Variants in NCKAP1L observed in about 807,000 individuals in gnomAD.
NCKAP1L encodes the protein NCK associated protein 1 like, also known as nck-associated protein 1-like.
A neutral mutation model predicts 139.2 loss-of-function variants in NCKAP1L; 53 were observed. The observed-to-expected ratio is 0.38, with a 90% CI of 0.31 to 0.48. The LOEUF is 0.48. Among genes scored for constraint, NCKAP1L ranks in the 20% least tolerant of loss-of-function variants. NCKAP1L has a pLI of 0.98. For synonymous variants in NCKAP1L, 468 were observed against 499.7 expected (o/e 0.94, Z 0.85); for missense variants, 1,151 against 1,381.9 (o/e 0.83, Z 2.65).
intron 3 of NCKAP1L, among the ~76,000 whole-genome samples, chr12:54,506,794 A>ATATATAT (rs1468649208): frequency 4.4e-3 from 105 of 23,728 alleles, no homozygotes; most frequent in South Asian, 0.011. Flanking sequence ...TTAAAAAAAA[A>ATATATAT]AAATATATAT....
chr12:54,523,894 G>T lies in NCKAP1L; in HGVS notation c.2094G>T (p.Val698=). 1.2e-6 allele frequency: 2 copies of T among 1,614,180 alleles called. No individual in the cohort carries two copies. The highest frequency in any genetic ancestry group is 2.2e-5 in the South Asian group (2 of 91,074). ...TGAATCATGTATACAGTTTCTCCGT[G>T]TTTGAACATACTATCTTCCCTTCTG... is the stretch of plus-strand genomic sequence containing the variant. ...LTMNHVYSFS[V]FEHTIFPSEY... is the part of the protein sequence containing the mutation. The change falls in exon 20 of 31, where the codon GTG becomes GTT. Residue 698 remains valine (V), a synonymous_variant. Transcript: ENST00000293373.
At chr12:54,518,867 T>C (rs777450616) in intron 14 of NCKAP1L, 47 bp from the exon 15 acceptor site, 1 of 1,541,146 alleles carries the variant, frequency 6.5e-7, no homozygotes, top group East Asian at 2.2e-5. Flanking sequence ...AGTTGGATAT[T>C]GGTGTGCTGT....
At chr12:54,499,615 C>T (rs984323174) in intron 2 of NCKAP1L, 150 bp downstream of exon 2, 33 of 593,140 alleles carry the variant, frequency 5.6e-5, no homozygotes, top group African/African-American at 5.2e-4. Context: ...CACAGGGCTT[C>T]AGGTTGTTGT....
chr12:54,531,165 A>G, intron 22 of NCKAP1L, 95 bp from the exon 23 acceptor site: 3 of 1,016,482 alleles, frequency 3.0e-6, no homozygotes, highest in South Asian at 2.8e-5. Flanking sequence ...TTCTTGCTGG[A>G]AAACATTTTA....
At chr12:54,499,189 G>T (rs1296131205) in intron 1 of NCKAP1L, among the ~76,000 whole-genome samples, 166 bp from the exon 2 acceptor site, 1 of 152,200 alleles carries the variant, frequency 6.6e-6, no homozygotes, top group East Asian at 1.9e-4. Flanking sequence ...CTCCCGAAGT[G>T]CTGGGATTAC....
chr12:54,501,970 G>A (rs1956801553), intron 3 of NCKAP1L, among the ~76,000 whole-genome samples: 1 of 152,092 alleles, frequency 6.6e-6, no homozygotes, highest in Admixed American at 6.5e-5. Context: ...GTTTTTATTT[G>A]AATTTTTGCT....
At chr12:54,499,313 A>T (rs1956777844) in intron 1 of NCKAP1L, 42 bp from the exon 2 acceptor site, 1 of 1,068,696 alleles carries the variant, frequency 9.4e-7, no homozygotes, top group African/African-American at 1.6e-5. Flanking sequence ...GTTTCTGAGG[A>T]GGAGGAGAAA....
chr12:54,532,160 T>C lies in NCKAP1L; in HGVS notation c.2782-10T>C, dbSNP rs1592351278. On this transcript the variant is annotated splice_polypyrimidine_tract_variant and intron_variant, in intron 25 of 30. Transcript: ENST00000293373. ...GTCTTGTGGACTCATTTATCTTCTC[T>C]TTCCTCCAGGTTTTCTCCTCCCACT... 1 of 1,609,792 alleles carries C rather than the reference T, an allele frequency of 6.2e-7. No individual in the cohort carries two copies. Among genetic ancestry groups the C allele is most frequent in the African/African-American group, 1.3e-5 (1 of 74,826 alleles).
intron 30 of NCKAP1L, among the ~76,000 whole-genome samples, chr12:54,539,227 T>G (rs113631554): frequency 1.5e-4 from 23 of 152,368 alleles, no homozygotes; most frequent in Non-Finnish European, 2.8e-4. Context: ...GCTGGGCCCA[T>G]GTCCTGCAAT....
intron 30 of NCKAP1L, among the ~76,000 whole-genome samples, chr12:54,539,276 A>C (rs1222216103): frequency 6.6e-6 from 1 of 152,148 alleles, no homozygotes; most frequent in Non-Finnish European, 1.5e-5. Context: ...TGTGCCCGTT[A>C]TTGGTAATTA....
At chr12:54,517,762 A>G (rs1052935771) in intron 12 of NCKAP1L, 44 bp from the exon 13 acceptor site, 2 of 1,610,876 alleles carry the variant, frequency 1.2e-6, no homozygotes, top group African/African-American at 2.7e-5. Context: ...CTCAGTTCAT[A>G]TTTCTAGTCT....
At chr12:54,514,492 TTTGTATTTTTAGTAGAGAC>T (rs1163605470) in intron 9 of NCKAP1L, among the ~76,000 whole-genome samples, 2 of 152,084 alleles carry the variant, frequency 1.3e-5, no homozygotes, top group Non-Finnish European at 2.9e-5. Flanking sequence ...CAGCTAATTT[TTTGTATTTTTAGTAGAGAC>T]GGGGTTTTAC....
chr12:54,542,435 A>G, intron 30 of NCKAP1L, 140 bp from the exon 31 acceptor site: 1 of 670,948 alleles, frequency 1.5e-6, no homozygotes, highest in Non-Finnish European at 2.7e-6. Flanking sequence ...CAAGTGAGGG[A>G]AGAGGGGGGT....
In NCKAP1L at chr12:54,537,025, T is replaced by C. The variant is rs370825189; in HGVS notation, c.3155T>C (p.Ile1052Thr). ...AALFTLYNKN[I>T]ETHLKEFLVV... ...CTCTTCACGCTCTACAACAAGAACA[T>C]TGAAACTCACCTCAAGGAATTTCTG... The change falls in exon 29 of 31, where the codon ATT (isoleucine) becomes ACT (threonine). Residue 1052 changes from isoleucine (I) to threonine (T), a missense_variant. By Grantham distance (89) the Ile-to-Thr change is moderately conservative. Transcript: ENST00000293373. The C allele has an allele frequency of 9.1e-5, 147 of 1,612,904 alleles. No homozygotes were observed. Among genetic ancestry groups the C allele is most frequent in the South Asian group, 2.3e-4 (21 of 91,082 alleles).
intron 5 of NCKAP1L, 35 bp downstream of exon 5, chr12:54,508,566 C>T (rs755302737): frequency 4.4e-6 from 7 of 1,608,326 alleles, no homozygotes; most frequent in African/African-American, 1.3e-5. Flanking sequence ...TGAAGAGTCT[C>T]ATACATGGTG....
intron 4 of NCKAP1L, 88 bp from the exon 5 acceptor site, chr12:54,508,301 T>A: frequency 7.9e-7 from 1 of 1,273,774 alleles, no homozygotes; most frequent in East Asian, 2.3e-5. Flanking sequence ...CGGAATATAT[T>A]GAGCACTGTC....
intron 9 of NCKAP1L, among the ~76,000 whole-genome samples, chr12:54,513,060 G>A (rs1052015377): frequency 5.3e-5 from 8 of 152,100 alleles, no homozygotes; most frequent in African/African-American, 1.9e-4. Flanking sequence ...AAAGAGGATG[G>A]GGAACTATTG....
In NCKAP1L at chr12:54,543,470, A is replaced by C. The variant is rs1276233863; in HGVS notation, c.*785A>C. On this transcript the variant is annotated 3_prime_UTR_variant, in exon 31 of 31. Transcript: ENST00000293373. ...TCAATTCTAGGTTACATGACAACTG[A>C]TTGGCCCAGACTTAGGTGGGTTTTC... 1 of 152,190 alleles carries C rather than the reference A, an allele frequency of 6.6e-6. No homozygotes were observed. The highest frequency in any genetic ancestry group is 1.9e-4 in the East Asian group (1 of 5,190). 9.4% of individuals were successfully genotyped at this position (152,190 alleles called of 1,614,324 possible).
intron 27 of NCKAP1L, among the ~76,000 whole-genome samples, chr12:54,535,447 A>G (rs1957107489): frequency 6.6e-6 from 1 of 152,220 alleles, no homozygotes; most frequent in African/African-American, 2.4e-5. Context: ...GCTAAAAAGT[A>G]CTAAGTGAGA....
Sources: allele counts gnomAD v4.1 joint callset (sites outside exome capture counted in the v4.1 genomes callset), GRCh38; gene constraint gnomAD v4.1.1; transcripts MANE v1.5; gene names NCBI Gene and HGNC (gene_info 2026-07-23, HGNC 2026-07-21).